Variants in SYK observed in about 807,000 individuals in gnomAD.
The protein encoded by SYK is spleen associated tyrosine kinase.
Under a neutral mutation model 77.8 loss-of-function variants are expected in SYK, and 16 were observed. That is an observed-to-expected ratio of 0.21 (90% CI 0.14 to 0.31). SYK has a LOEUF of 0.31. Among genes scored for constraint, SYK ranks in the 10% least tolerant of loss-of-function variants. SYK has a pLI of 1.00. For synonymous variants in SYK, 312 were observed against 308.7 expected, an observed-to-expected ratio of 1.01 and a Z score of -0.11; for missense variants, 529 against 814.4, an observed-to-expected ratio of 0.65 and a Z score of 4.26.
chr9:90,864,294 G>GATAA (rs765478447), intron 4 of SYK, among the ~76,000 whole-genome samples: 17 of 152,106 alleles, frequency 1.1e-4, no homozygotes, highest in Non-Finnish European at 2.9e-5. Flanking sequence ...TGTTGTTTTG[G>GATAA]ATAAATAAAT....
chr9:90,861,948 G>A (rs377536637), intron 3 of SYK, among the ~76,000 whole-genome samples: 7 of 152,160 alleles, frequency 4.6e-5, no homozygotes. Context: ...CTTAGCCATG[G>A]TCCATTCATC....
chr9:90,848,842 G>T (rs1460203244), intron 3 of SYK, among the ~76,000 whole-genome samples: 2 of 152,242 alleles, frequency 1.3e-5, no homozygotes, highest in African/African-American at 4.8e-5. Context: ...TAAGGGCGTA[G>T]AGCACACTGG....
intron 7 of SYK, among the ~76,000 whole-genome samples, chr9:90,872,714 A>T (rs1356625231): frequency 6.6e-6 from 1 of 152,274 alleles, no homozygotes; most frequent in South Asian, 2.1e-4. Flanking sequence ...TTTAAAGCAC[A>T]TTAGATTATA....
intron 3 of SYK, among the ~76,000 whole-genome samples, chr9:90,855,046 A>T (rs1316294171): frequency 7.1e-6 from 1 of 141,226 alleles, no homozygotes; most frequent in East Asian, 2.1e-4. Context: ...ACACTTGAGA[A>T]CCGCGGCTGC....
chr9:90,847,068 A>G (rs1259518288), intron 3 of SYK, among the ~76,000 whole-genome samples: 1 of 152,212 alleles, frequency 6.6e-6, no homozygotes, highest in Non-Finnish European at 1.5e-5. Context: ...TCCCGAAAAC[A>G]GCAGTTGCAT....
intron 11 of SYK, among the ~76,000 whole-genome samples, chr9:90,883,189 A>G (rs1828222907): frequency 6.6e-6 from 1 of 152,072 alleles, no homozygotes; most frequent in African/African-American, 2.4e-5. Flanking sequence ...CCCCAGGGAC[A>G]GATCCCCCTG....
chr9:90,801,765 C>G (rs959596030), upstream of SYK: 4 of 152,160 alleles, frequency 2.6e-5, no homozygotes, highest in Non-Finnish European at 5.9e-5. Flanking sequence ...TGCCCGGGCG[C>G]GTTAAGGAAG....
Position 90,874,601 on chromosome 9 carries a change from C to T in SYK, c.1004-71C>T, listed in dbSNP as rs577806627. The T allele has an allele frequency of 7.7e-5, 115 of 1,497,990 alleles. 1 individual carries two copies. In the East Asian group the frequency reaches 2.3e-3, roughly 30 times the overall value. 92.8% of individuals were successfully genotyped at this position (1,497,990 alleles called of 1,614,324 possible). ...TCTGAGTTCATATTCCCATGAAGAT[C>T]ATGTTCTTGGAAGGATGAATCCTGG... On this transcript the variant is annotated intron_variant, in intron 8 of 13. Transcript: ENST00000375754.
At chr9:90,845,942 A>T (rs903934499) in intron 3 of SYK, among the ~76,000 whole-genome samples, 1 of 152,238 alleles carries the variant, frequency 6.6e-6, no homozygotes, top group Non-Finnish European at 1.5e-5. Context: ...AAAATACTGC[A>T]GTTTTTTTAC....
intron 7 of SYK, among the ~76,000 whole-genome samples, chr9:90,867,883 A>T (rs1361814728): frequency 6.6e-6 from 1 of 152,222 alleles, no homozygotes; most frequent in Non-Finnish European, 1.5e-5. Context: ...CTTCCCCCAA[A>T]ATATGTATAT....
intron 6 of SYK, among the ~76,000 whole-genome samples, chr9:90,866,054 A>G (rs1352340147): frequency 1.3e-5 from 2 of 151,310 alleles, no homozygotes; most frequent in Admixed American, 1.3e-4. Context: ...GCCCGCCACA[A>G]CACCCGGCTA....
intron 1 of SYK, among the ~76,000 whole-genome samples, chr9:90,803,791 C>G (rs967270701): frequency 1.1e-4 from 16 of 152,140 alleles, no homozygotes; most frequent in Non-Finnish European, 2.2e-4. Context: ...CTGAGAAAGA[C>G]ATTGCTCAGA....
At chr9:90,865,217 T>C in intron 6 of SYK, 120 bp downstream of exon 6, 1 of 988,448 alleles carries the variant, frequency 1.0e-6, no homozygotes, top group South Asian at 1.4e-5. Flanking sequence ...CAAAACATAC[T>C]CCGTGATGAG....
chr9:90,815,444 T>C (rs1441947690), intron 1 of SYK, among the ~76,000 whole-genome samples: 4 of 152,228 alleles, frequency 2.6e-5, no homozygotes, highest in Admixed American at 2.0e-4. Flanking sequence ...CTGGAGTTCC[T>C]GTGCTGCTTA....
chr9:90,831,029 C>T (rs1211805050), intron 1 of SYK, among the ~76,000 whole-genome samples: 1 of 152,096 alleles, frequency 6.6e-6, no homozygotes, highest in Non-Finnish European at 1.5e-5. Context: ...GTGGTTTGAG[C>T]GTGATAAGCC....
chr9:90,876,742 AAC>A (rs1289471749), intron 9 of SYK, among the ~76,000 whole-genome samples: 2 of 152,186 alleles, frequency 1.3e-5, no homozygotes, highest in Non-Finnish European at 2.9e-5. Context: ...TCAATCTATA[AAC>A]ACAGCCCATC....
In SYK at chr9:90,882,825, G is replaced by A. The variant is rs115941802; in HGVS notation, c.1581+3872G>A. On this transcript the variant is annotated intron_variant, in intron 11 of 13. Transcript: ENST00000375754. ...CACAGGGAAACAAGGCAGCCTGCTT[G>A]GCCAGGAATGACTGGGAGCTGGGAG... Among the ~76,000 whole-genome samples, 627 of 152,314 alleles carry A rather than the reference G, an allele frequency of 4.1e-3. 1 individual carries two copies. The highest frequency in any genetic ancestry group is 0.014 in the African/African-American group (576 of 41,566).
chr9:90,882,977 G>A (rs531963129), intron 11 of SYK, among the ~76,000 whole-genome samples: 1 of 152,222 alleles, frequency 6.6e-6, no homozygotes, highest in South Asian at 2.1e-4. Flanking sequence ...CTAACATAGG[G>A]AGCTGCCTAG....
chr9:90,857,966 A>G (rs1827105237), intron 3 of SYK, among the ~76,000 whole-genome samples: 1 of 152,120 alleles, frequency 6.6e-6, no homozygotes, highest in Non-Finnish European at 1.5e-5. Flanking sequence ...GGGGAGAATG[A>G]GAACACCTAG....
Sources: gnomAD v4.1 joint callset for allele counts (sites outside exome capture counted in the v4.1 genomes callset) on GRCh38, gnomAD v4.1.1 for gene constraint, MANE v1.5 for transcripts, NCBI Gene and HGNC (gene_info 2026-07-23, HGNC 2026-07-21) for gene names.